The following CNTNAP3B variants were observed in gnomAD, a reference collection of about 807,000 sequenced individuals.
CNTNAP3B encodes contactin-associated protein-like 3B.
Under a neutral mutation model 108.9 loss-of-function variants are expected in CNTNAP3B, and 25 were observed. The observed-to-expected ratio is 0.23, with a 90% confidence interval of 0.17 to 0.32. The LOEUF (loss-of-function observed/expected upper bound fraction) is 0.32. CNTNAP3B is among the 10% of genes least tolerant of loss of function. CNTNAP3B has a pLI of 1.00. For synonymous variants in CNTNAP3B, 103 were observed against 473.4 expected (o/e 0.22, Z 10.16); for missense variants, 252 against 1,210.4 (o/e 0.21, Z 11.75).
intron 14 of CNTNAP3B, among the ~76,000 whole-genome samples, chr9:41,930,767 G>T (rs1175548460): frequency 1.3e-5 from 2 of 152,278 alleles, no homozygotes; most frequent in Non-Finnish European, 2.9e-5. Context: ...TCCCCTAGGG[G>T]AACCTGGGGT....
At chr9:41,940,953 G>GA (rs1824324261) in intron 13 of CNTNAP3B, among the ~76,000 whole-genome samples, 1 of 152,258 alleles carries the variant, frequency 6.6e-6, no homozygotes, top group Non-Finnish European at 1.5e-5. Flanking sequence ...TGGAACATCA[G>GA]GAAAAAAATG....
At chr9:41,979,859 G>A (rs1276836473) in intron 9 of CNTNAP3B, 11 of 125,148 alleles carry the variant, frequency 8.8e-5, no homozygotes, top group Non-Finnish European at 1.6e-4. Flanking sequence ...AGATTGCTGG[G>A]ATTACAGGCG....
chr9:41,986,523 A>T (rs1281169901), intron 8 of CNTNAP3B, among the ~76,000 whole-genome samples: 2 of 145,966 alleles, frequency 1.4e-5, no homozygotes, highest in African/African-American at 2.6e-5. Flanking sequence ...CTCTTTCTGA[A>T]GAATCACTGT....
At chr9:42,054,760 T>A (rs1190187263) in intron 3 of CNTNAP3B, among the ~76,000 whole-genome samples, 16 of 151,500 alleles carry the variant, frequency 1.1e-4, no homozygotes, top group African/African-American at 3.9e-4. Context: ...TCGGGTTACA[T>A]CCACTAATAA....
chr9:41,934,126 C>CACACATATATATAT (rs1824075000), intron 14 of CNTNAP3B, among the ~76,000 whole-genome samples: 244 of 22,148 alleles, frequency 0.011, no homozygotes, highest in Middle Eastern at 0.056. Context: ...TATATATACA[C>CACACATATATATAT]ACACATATAT....
intron 15 of CNTNAP3B, among the ~76,000 whole-genome samples, chr9:41,925,332 G>T (rs1378388648): frequency 6.6e-6 from 1 of 152,034 alleles, no homozygotes; most frequent in Admixed American, 6.5e-5. Context: ...AGTGGCTCAC[G>T]CCTGTAATCC....
chr9:41,951,306 A>G (rs1472147390), intron 13 of CNTNAP3B, among the ~76,000 whole-genome samples: 1 of 125,400 alleles, frequency 8.0e-6, no homozygotes, highest in Non-Finnish European at 1.7e-5. Flanking sequence ...GGAGTAGAAT[A>G]TTCCATTTCT....
intron 1 of CNTNAP3B, among the ~76,000 whole-genome samples, chr9:42,115,430 AC>A (rs1828293361): frequency 7.2e-6 from 1 of 138,048 alleles, no homozygotes; most frequent in Admixed American, 7.2e-5. Context: ...TGGGTCCCTG[AC>A]CCCTGCGTAG....
chr9:41,957,638 T>G (rs1349803980), intron 12 of CNTNAP3B, among the ~76,000 whole-genome samples: 1 of 151,254 alleles, frequency 6.6e-6, no homozygotes, highest in African/African-American at 2.4e-5. Flanking sequence ...CATCTGGTCT[T>G]GCATGCTATC....
chr9:42,034,227 A>G (rs1490064690), intron 3 of CNTNAP3B, among the ~76,000 whole-genome samples: 2 of 90,586 alleles, frequency 2.2e-5, no homozygotes, highest in East Asian at 5.8e-4. Flanking sequence ...TCATCTATAC[A>G]TAATAACTCT....
intron 13 of CNTNAP3B, among the ~76,000 whole-genome samples, chr9:41,942,092 C>G (rs1236399697): frequency 1.3e-5 from 2 of 152,278 alleles, no homozygotes; most frequent in Non-Finnish European, 2.9e-5. Flanking sequence ...TTTTCTTACC[C>G]AAGGGAAGGG....
At chr9:42,049,354 A>C (rs1279165922) in intron 3 of CNTNAP3B, among the ~76,000 whole-genome samples, 3 of 139,282 alleles carry the variant, frequency 2.2e-5, no homozygotes, top group Non-Finnish European at 4.6e-5. Flanking sequence ...TCTTGATCTA[A>C]CTGTCCTCTC....
chr9:41,996,134 T>G, intron 7 of CNTNAP3B, 71 bp downstream of exon 7: 2 of 704,652 alleles, frequency 2.8e-6, no homozygotes, highest in Non-Finnish European at 4.3e-6. Context: ...AATGGAGACT[T>G]CACATGAATA....
intron 14 of CNTNAP3B, among the ~76,000 whole-genome samples, chr9:41,936,208 C>T (rs62536541): frequency 1.6e-3 from 224 of 143,090 alleles, no homozygotes; most frequent in Middle Eastern, 4.0e-3. Flanking sequence ...ATCCGGGAGG[C>T]GCAGGTTGCA....
chr9:42,020,355 C>T (rs1826289845), intron 3 of CNTNAP3B, among the ~76,000 whole-genome samples: 1 of 151,928 alleles, frequency 6.6e-6, no homozygotes, highest in Admixed American at 6.5e-5. Flanking sequence ...TAAATGATCA[C>T]ATTAGTTAAA....
At chr9:41,990,747 T>C (rs1825790791) in intron 8 of CNTNAP3B, among the ~76,000 whole-genome samples, 1 of 135,114 alleles carries the variant, frequency 7.4e-6, no homozygotes, top group Non-Finnish European at 1.6e-5. Context: ...TCCTCCCATC[T>C]GCAAATCCAA....
intron 12 of CNTNAP3B, chr9:41,959,915 A>G (rs1825010898): frequency 6.6e-6 from 1 of 152,320 alleles, no homozygotes; most frequent in South Asian, 2.1e-4. Context: ...AGGTGACAAC[A>G]AATTTCTGTA....
intron 1 of CNTNAP3B, among the ~76,000 whole-genome samples, chr9:42,114,704 A>C (rs1386789462): frequency 1.6e-5 from 2 of 122,024 alleles, no homozygotes; most frequent in Non-Finnish European, 3.3e-5. Context: ...AACATCGTTC[A>C]TCAAATGTGA....
At chr9:41,961,649 A>G (rs1825095526) in intron 11 of CNTNAP3B, among the ~76,000 whole-genome samples, 1 of 152,420 alleles carries the variant, frequency 6.6e-6, no homozygotes, top group East Asian at 1.9e-4. Context: ...AATGGAATTT[A>G]TAAGCTATCA....
Sources: gnomAD v4.1 joint callset for allele counts (sites outside exome capture counted in the v4.1 genomes callset) on GRCh38, gnomAD v4.1.1 for gene constraint, MANE v1.5 for transcripts, NCBI Gene and HGNC (gene_info 2026-07-23, HGNC 2026-07-21) for gene names.